PCDH9: variants seen among roughly 807,000 people sequenced by gnomAD.
PCDH9 encodes protocadherin-9.
A neutral mutation model predicts 70.6 loss-of-function variants in PCDH9; 24 were observed. The ratio of observed to expected loss-of-function variants is 0.34; its 90% CI spans 0.25 to 0.48. PCDH9 has a LOEUF of 0.48. Among genes scored for constraint, PCDH9 ranks in the 20% least tolerant of loss-of-function variants. The pLI, the probability that PCDH9 is intolerant of heterozygous loss-of-function variation, is 0.99. For missense variants in PCDH9, 1,281 were observed against 1,503.6 expected (o/e 0.85, Z 2.45); for synonymous variants, 562 against 558.5 (o/e 1.01, Z -0.09).
chr13:66,330,457 G>GA (rs1314475543), intron 4 of PCDH9, among the ~76,000 whole-genome samples: 1 of 152,166 alleles, frequency 6.6e-6, no homozygotes, highest in East Asian at 1.9e-4. Context: ...CCATGTTTCA[G>GA]ACTCTTATTC....
At chr13:66,659,721 CG>C (rs953919345) in intron 3 of PCDH9, among the ~76,000 whole-genome samples, 2 of 151,892 alleles carry the variant, frequency 1.3e-5, no homozygotes, top group African/African-American at 4.8e-5. Context: ...CCTCCTTCCC[CG>C]ATCTCTTAAT....
At chr13:67,081,156 A>C (rs2085975120) in intron 2 of PCDH9, among the ~76,000 whole-genome samples, 2 of 152,216 alleles carry the variant, frequency 1.3e-5, no homozygotes, top group African/African-American at 4.8e-5. Context: ...TAGGAAAAGG[A>C]ACTGACTCAG....
chr13:67,218,662 C>A (rs1399373633), intron 2 of PCDH9: 1 of 152,050 alleles, frequency 6.6e-6, no homozygotes, highest in Admixed American at 6.6e-5. Context: ...CATTTCCATT[C>A]TTTCCTACAG....
intron 2 of PCDH9, among the ~76,000 whole-genome samples, chr13:66,967,514 T>G (rs1017718405): frequency 6.6e-6 from 1 of 152,066 alleles, no homozygotes; most frequent in African/African-American, 2.4e-5. Flanking sequence ...AGAGTGCTGT[T>G]TTAGTGTAAT....
intron 4 of PCDH9, among the ~76,000 whole-genome samples, chr13:66,347,939 A>G (rs552241923): frequency 2.5e-4 from 38 of 152,178 alleles, no homozygotes; most frequent in African/African-American, 8.7e-4. Flanking sequence ...TTTAATCATC[A>G]CTTACTGAGT....
chr13:66,512,063 T>A (rs889289192), intron 4 of PCDH9, among the ~76,000 whole-genome samples: 3 of 152,130 alleles, frequency 2.0e-5, no homozygotes, highest in Non-Finnish European at 4.4e-5. Flanking sequence ...GAAGCTTAAC[T>A]TTTGGGAATT....
intron 4 of PCDH9, among the ~76,000 whole-genome samples, chr13:66,445,747 C>T (rs1958074962): frequency 6.9e-6 from 1 of 144,046 alleles, no homozygotes; most frequent in Non-Finnish European, 1.5e-5. Context: ...ATTATATATA[C>T]ACATATATAA....
chr13:66,923,554 A>AGGTAACT (rs1430697695), intron 2 of PCDH9, among the ~76,000 whole-genome samples: 1 of 151,730 alleles, frequency 6.6e-6, no homozygotes, highest in Non-Finnish European at 1.5e-5. Context: ...TATGTGCCAG[A>AGGTAACT]CATAGCTATA....
In PCDH9 at chr13:66,544,193, T is replaced by G. The variant is rs139560880; in HGVS notation, c.3340+87017A>C. ...TGGATCTCTCTATTTTGCTAATATT[T>G]CCCTATTTCCTATCACTGTTTTTCG... On this transcript the variant is annotated intron_variant, in intron 4 of 4. Transcript: ENST00000377865. 7.2e-5 allele frequency among the ~76,000 whole-genome samples: 11 copies of G among 152,288 alleles called. 2 individuals carry two copies. Among genetic ancestry groups the G allele is most frequent in the African/African-American group, 2.6e-4 (11 of 41,564 alleles).
At chr13:67,108,037 G>A (rs574473358) in intron 2 of PCDH9, among the ~76,000 whole-genome samples, 20 of 152,316 alleles carry the variant, frequency 1.3e-4, no homozygotes, top group South Asian at 8.3e-4. Context: ...GGAGCTGCCC[G>A]TCCTGCCACA....
intron 4 of PCDH9, among the ~76,000 whole-genome samples, chr13:66,618,533 GAT>G (rs2077386289): frequency 1.3e-5 from 2 of 151,974 alleles, no homozygotes; most frequent in African/African-American, 4.8e-5. Context: ...TAAAGATAAA[GAT>G]ATTAATTTGA....
intron 4 of PCDH9, among the ~76,000 whole-genome samples, chr13:66,582,124 T>C (rs1486930210): frequency 6.6e-6 from 1 of 152,148 alleles, no homozygotes. Context: ...CTTATTTTTA[T>C]TAAGAAGGAC....
At chr13:66,937,324 C>T (rs1367382733) in intron 2 of PCDH9, among the ~76,000 whole-genome samples, 1 of 152,196 alleles carries the variant, frequency 6.6e-6, no homozygotes, top group Non-Finnish European at 1.5e-5. Context: ...CTTTCACATT[C>T]AGAAATTCTA....
At chr13:66,519,489 G>A (rs1319423017) in intron 4 of PCDH9, among the ~76,000 whole-genome samples, 1 of 151,832 alleles carries the variant, frequency 6.6e-6, no homozygotes, top group Admixed American at 6.6e-5. Context: ...GTATGCCCTT[G>A]GGTAAACACT....
In PCDH9 at chr13:67,226,066, A is replaced by G. The variant is rs1277269748; in HGVS notation, c.2375T>C (p.Met792Thr). ...TATGTTCCTGTCCAACGGGGTCTCCATAGTCCTGCGGATCAAGTCATAGAT... is the reference window on the plus strand; with the variant it reads ...TATGTTCCTGTCCAACGGGGTCTCCGTAGTCCTGCGGATCAAGTCATAGAT... ...SYIYDLIRRTMETPLDRNIGD... is the reference protein window; with the variant it reads ...SYIYDLIRRTTETPLDRNIGD... The change falls in exon 2 of 5, where the codon ATG (methionine) becomes ACG (threonine). Residue 792 changes from methionine (M) to threonine (T), a missense_variant. Physicochemically the swap from Met to Thr is moderately conservative, Grantham distance 81. Transcript: ENST00000377865. The surrounding 1 kb of genome is among the most constrained non-coding windows in gnomAD (Gnocchi z 5.0). 1 of 1,614,118 alleles carries G rather than the reference A, an allele frequency of 6.2e-7. No homozygotes were observed. Among genetic ancestry groups the G allele is most frequent in the African/African-American group, 1.3e-5 (1 of 75,032 alleles).
chr13:66,618,275 G>A (rs1322426061), intron 4 of PCDH9, among the ~76,000 whole-genome samples: 4 of 152,116 alleles, frequency 2.6e-5, no homozygotes, highest in African/African-American at 9.7e-5. Flanking sequence ...TGCAATAACT[G>A]GACATTCTGT....
chr13:66,988,566 T>G (rs2083939337), intron 2 of PCDH9, among the ~76,000 whole-genome samples: 1 of 151,996 alleles, frequency 6.6e-6, no homozygotes, highest in Admixed American at 6.6e-5. Context: ...TATTGCTATA[T>G]AAGGTTGTGA....
At chr13:66,744,018 T>G (rs912474118) in intron 3 of PCDH9, among the ~76,000 whole-genome samples, 7 of 152,134 alleles carry the variant, frequency 4.6e-5, no homozygotes, top group African/African-American at 1.7e-4. Flanking sequence ...AGGCCATACG[T>G]GCATAAAAAG....
chr13:67,082,630 T>A, intron 2 of PCDH9, among the ~76,000 whole-genome samples: 1 of 152,334 alleles, frequency 6.6e-6, no homozygotes. Context: ...TGAATTGTGG[T>A]TTAATTTTTA....
Sources: gnomAD v4.1 joint callset for allele counts (sites outside exome capture counted in the v4.1 genomes callset) on GRCh38, gnomAD v4.1.1 for gene constraint, Gnocchi (gnomAD v3.1) non-coding constraint, MANE v1.5 for transcripts, NCBI Gene and HGNC (gene_info 2026-07-23, HGNC 2026-07-21) for gene names.